The following SPON1 variants were observed in gnomAD, a reference collection of about 807,000 sequenced individuals.
SPON1 encodes spondin 1.
SPON1 carries 52 observed loss-of-function variants against 111.7 expected under a neutral mutation model. The observed-to-expected ratio is 0.47, with a 90% confidence interval of 0.37 to 0.59. The LOEUF is 0.59. Ranked by LOEUF, SPON1 falls within the 20% of genes least tolerant of loss-of-function variation. The pLI, the probability that SPON1 is intolerant of heterozygous loss-of-function variation, is 0.00. For missense variants in SPON1, 957 were observed against 1,068.5 expected (o/e 0.90, Z 1.46); for synonymous variants, 410 against 395.8 (o/e 1.04, Z -0.43).
rs1195560637 is a variant in SPON1, at chr11:14,241,747, C to T, written c.826-1585C>T. ...TATGACTTCAAGATAAACAACTTCT[C>T]GGTCATTCAACAGATATTTCTTAGG... On this transcript the variant is annotated intron_variant, in intron 6 of 15. Coordinates refer to ENST00000576479, the MANE Select transcript of SPON1 (RefSeq NM_006108.4). Among the ~76,000 whole-genome samples, 6 of 152,090 alleles carry T rather than the reference C, an allele frequency of 3.9e-5. No individual in the cohort carries two copies. In the East Asian group the frequency reaches 5.8e-4, roughly 15 times the overall value.
rs1554941628 is a variant in SPON1 at position 14,259,364 on chromosome 11, G to A, written c.1577G>A (p.Arg526Lys). Residue 526 changes from arginine to lysine, a missense_variant, in exon 12 of 16, where the codon AGG (arginine) becomes AAG (lysine). Transcript: ENST00000576479. The surrounding 1 kb of genome is among the most constrained non-coding windows in gnomAD (Gnocchi z 5.0). ...SCGMGMRSRE[R>K]YVKQFPEDGS... ...GGCATGGGCATGAGGTCCCGGGAGA[G>A]GTATGTGAAGCAGTTCCCGGAGGAC... 2.5e-6 allele frequency: 4 copies of A among 1,612,616 alleles called. No homozygotes were observed. The highest frequency in any genetic ancestry group is 1.3e-5 in the African/African-American group (1 of 74,918).
rs1341516437 is a variant in SPON1 at position 14,257,736 on chromosome 11, A to T, written c.1330A>T (p.Ile444Phe). The change falls in exon 11 of 16, where the codon ATC becomes TTC. Residue 444 changes from isoleucine to phenylalanine, a missense_variant. Coordinates refer to ENST00000576479, the MANE Select transcript of SPON1 (RefSeq NM_006108.4). ...KDEDDTPETC[I>F]YSNWSPWSAC... ...TCCAGATGACACCCCTGAAACCTGC[A>T]TCTACTCCAACTGGTCCCCATGGTC... The T allele has an allele frequency of 5.0e-6, 8 of 1,612,404 alleles. No individual in the cohort carries two copies. Among genetic ancestry groups the T allele is most frequent in the Non-Finnish European group, 6.8e-6 (8 of 1,179,342 alleles).
At chr11:14,088,238 T>C (rs1365930393) in intron 5 of SPON1, among the ~76,000 whole-genome samples, 1 of 152,198 alleles carries the variant, frequency 6.6e-6, no homozygotes, top group Non-Finnish European at 1.5e-5. Flanking sequence ...TTGATCTTTA[T>C]ATTTTGTGTG....
At chr11:14,203,658 G>C (rs960052510) in intron 6 of SPON1, among the ~76,000 whole-genome samples, 1 of 152,162 alleles carries the variant, frequency 6.6e-6, no homozygotes, top group Non-Finnish European at 1.5e-5. Flanking sequence ...ACATGCCCAG[G>C]TAATTTGAGT....
chr11:14,058,584 G>T (rs1848765118), intron 3 of SPON1, among the ~76,000 whole-genome samples: 1 of 152,184 alleles, frequency 6.6e-6, no homozygotes, highest in African/African-American at 2.4e-5. Flanking sequence ...AGCAGGTGGA[G>T]CAAGGAGGAC....
intron 1 of SPON1, among the ~76,000 whole-genome samples, chr11:13,972,016 C>G (rs1848066880): frequency 6.6e-6 from 1 of 152,206 alleles, no homozygotes; most frequent in African/African-American, 2.4e-5. Context: ...AAGGTCTCCC[C>G]TGGGCCATAT....
At chr11:14,136,230 C>A (rs1847590479) in intron 6 of SPON1, among the ~76,000 whole-genome samples, 1 of 152,166 alleles carries the variant, frequency 6.6e-6, no homozygotes, top group Non-Finnish European at 1.5e-5. Context: ...GGAAGAAGAG[C>A]CACGTGGCTC....
chr11:14,222,767 A>C (rs997198491), intron 6 of SPON1, among the ~76,000 whole-genome samples: 15 of 152,236 alleles, frequency 9.9e-5, no homozygotes, highest in African/African-American at 3.6e-4. Flanking sequence ...AAAGAAAAAA[A>C]ATTAAGCCCT....
intron 6 of SPON1, among the ~76,000 whole-genome samples, chr11:14,174,197 G>A (rs1848145667): frequency 6.6e-6 from 1 of 152,200 alleles, no homozygotes. Flanking sequence ...CTGCATTTCA[G>A]CATTTCATTG....
chr11:14,091,516 C>T lies in SPON1; in HGVS notation c.676+11495C>T, dbSNP rs569874276. 3.3e-5 allele frequency among the ~76,000 whole-genome samples: 5 copies of T among 152,274 alleles called. No individual in the cohort carries two copies. The South Asian group carries it at 6.2e-4, about 19-fold the overall frequency. On this transcript the variant is annotated intron_variant, in intron 5 of 15. Transcript: ENST00000576479. ...CTCGGTGAGAAATTGAGCGCAGCACCGGTGGGCCGGCACTGCTGGGGGACC... is the reference window on the plus strand; with the variant it reads ...CTCGGTGAGAAATTGAGCGCAGCACTGGTGGGCCGGCACTGCTGGGGGACC...
chr11:13,984,358 A>G (rs1180417448), intron 2 of SPON1, among the ~76,000 whole-genome samples: 3 of 152,116 alleles, frequency 2.0e-5, no homozygotes, highest in East Asian at 1.9e-4. Flanking sequence ...CTGACACTAG[A>G]TAATGTATAA....
intron 6 of SPON1, among the ~76,000 whole-genome samples, chr11:14,174,976 G>A (rs1554932945): frequency 7.3e-6 from 1 of 137,290 alleles, no homozygotes; most frequent in African/African-American, 2.7e-5. Context: ...ATAGGAGTTA[G>A]AAGCTCTACA....
At chr11:14,221,162 A>G (rs1365243346) in intron 6 of SPON1, among the ~76,000 whole-genome samples, 1 of 152,208 alleles carries the variant, frequency 6.6e-6, no homozygotes, top group Non-Finnish European at 1.5e-5. Context: ...TATTTTGTGC[A>G]TCCTCCTGAA....
chr11:14,139,900 C>G (rs1353525796), intron 6 of SPON1, among the ~76,000 whole-genome samples: 4 of 151,926 alleles, frequency 2.6e-5, no homozygotes, highest in Non-Finnish European at 5.9e-5. Flanking sequence ...ACAGCACATG[C>G]AAAGGGCCTG....
In SPON1 at chr11:14,192,537, A is replaced by G. The variant is rs112218653; in HGVS notation, c.826-50795A>G. 3.0e-3 allele frequency among the ~76,000 whole-genome samples: 454 copies of G among 152,310 alleles called. 4 individuals carry two copies. Among genetic ancestry groups the G allele is most frequent in the African/African-American group, 1.0e-2 (414 of 41,564 alleles). On this transcript the variant is annotated intron_variant, in intron 6 of 15. Coordinates refer to ENST00000576479, the MANE Select transcript of SPON1 (RefSeq NM_006108.4). Reference sequence around the variant, plus strand: ...CGTCAATGTGCGTAGAGATGGATCAATCTCTTACAGGGGTACAAAAGGTGA... The same window carrying G: ...CGTCAATGTGCGTAGAGATGGATCAGTCTCTTACAGGGGTACAAAAGGTGA...
rs142334975 is a variant in SPON1, at chr11:13,980,164, G to A, written c.239-2683G>A. Among the ~76,000 whole-genome samples, 1,214 of 151,686 alleles carry A rather than the reference G, an allele frequency of 8.0e-3. 10 individuals carry two copies. The highest frequency in any genetic ancestry group is 0.013 in the Non-Finnish European group (872 of 67,896). ...CCAGCAATTCTCCTGCCTCAGCCTC[G>A]TGAGTAGCTGGGATTACAGGCATGT... On this transcript the variant is annotated intron_variant, in intron 1 of 15. Transcript: ENST00000576479.
At position 14,262,930 on chromosome 11, in the gene SPON1, C is replaced by T. The variant is rs192983574; in HGVS notation, c.2215C>T (p.Arg739Trp). The change falls in exon 15 of 16, where the codon CGG becomes TGG. Residue 739 changes from arginine to tryptophan, a missense_variant. Coordinates refer to ENST00000576479, the MANE Select transcript of SPON1 (RefSeq NM_006108.4). ...LRWREARESR[R>W]SEQLKEESEG... ...CTGGAGGGAGGCCCGAGAGAGCCGG[C>T]GGAGTGAGCAGCTGAAGGAAGAGTC... 1.2e-3 allele frequency: 1,893 copies of T among 1,613,552 alleles called. 25 individuals carry two copies. The African/African-American group carries it at 0.022, about 19-fold the overall frequency.
At chr11:14,103,582 G>A (rs991866643) in intron 5 of SPON1, among the ~76,000 whole-genome samples, 1 of 152,158 alleles carries the variant, frequency 6.6e-6, no homozygotes, top group East Asian at 1.9e-4. Flanking sequence ...TTTTTCCTGG[G>A]TCAGGATAGC....
chr11:14,135,908 T>C lies in SPON1; in HGVS notation c.825+340T>C, dbSNP rs901387236. On this transcript the variant is annotated intron_variant, in intron 6 of 15. Transcript: ENST00000576479. The surrounding 1 kb of genome is among the most constrained non-coding windows in gnomAD (Gnocchi z 4.4). ...ATCTTTGAGAGGGTCAGAGGAGTAA[T>C]AGTCAAGCTGTCCAGCCAAATCCCC... 2.6e-5 allele frequency among the ~76,000 whole-genome samples: 4 copies of C among 152,192 alleles called. No individual in the cohort carries two copies. Among genetic ancestry groups the C allele is most frequent in the African/African-American group, 9.7e-5 (4 of 41,428 alleles).
Sources: allele counts gnomAD v4.1 joint callset (sites outside exome capture counted in the v4.1 genomes callset), GRCh38; gene constraint gnomAD v4.1.1; non-coding constraint Gnocchi (gnomAD v3.1); transcripts MANE v1.5; gene names NCBI Gene and HGNC (gene_info 2026-07-23, HGNC 2026-07-21).